Variants in GAK observed in about 807,000 individuals in gnomAD.
GAK encodes the protein cyclin-G-associated kinase.
A neutral mutation model predicts 143.9 loss-of-function variants in GAK; 79 were observed. The observed-to-expected ratio is 0.55, with a 90% CI of 0.46 to 0.66. GAK has a LOEUF of 0.66. Among genes scored for constraint, GAK ranks in the 30% least tolerant of loss-of-function variants. The pLI, the probability that GAK is intolerant of heterozygous loss-of-function variation, is 0.00. For missense variants in GAK, 1,693 were observed against 1,779.7 expected (o/e 0.95, Z 0.88); for synonymous variants, 881 against 765.5 (o/e 1.15, Z -2.49).
rs200903151 is a variant in GAK at position 867,103 on chromosome 4, C to T, written c.2725G>A (p.Asp909Asn). Residue 909 changes from aspartate to asparagine, a missense_variant, in exon 21 of 28, where the codon GAC becomes AAC. Around this residue, in one of 2 missense-constraint regions of GAK, gnomAD observed 822 missense variants for 788.7 expected, o/e 1.04. Transcript: ENST00000314167. Reference sequence around the variant, plus strand: ...GGCCCAAGGAGGCAGCTGAGCAGGTCGGTGTTGCTGGAGGGGGCCTTGCAG... The same window carrying T: ...GGCCCAAGGAGGCAGCTGAGCAGGTTGGTGTTGCTGGAGGGGGCCTTGCAG... ...QACKAPSSNT[D>N]LLSCLLGPPE... The T allele has an allele frequency of 3.3e-4, 521 of 1,571,142 alleles. No homozygotes were observed. The highest frequency in any genetic ancestry group is 4.2e-4 in the Non-Finnish European group (487 of 1,155,830).
Position 852,798 on chromosome 4 carries a change from C to T in GAK, c.3284-824G>A, listed in dbSNP as rs559575486. On this transcript the variant is annotated intron_variant, in intron 24 of 27. Transcript: ENST00000314167. ...AGAATAGCAGGAAGCTGTAAATACC[C>T]TGAGCACCTGCGCCCAGCATCCCCC... The T allele has an allele frequency of 6.6e-5, 10 of 152,386 alleles. No individual in the cohort carries two copies. In the East Asian group the frequency reaches 1.9e-3, roughly 29 times the overall value. The allele number at this position is 152,386 out of a possible 1,614,324, so 9.4% of individuals were successfully genotyped here. A position where few individuals can be genotyped will look rare whatever the true frequency, so the allele number is the denominator to read the frequency against.
chr4:855,853 G>C (rs997342333), intron 24 of GAK, among the ~76,000 whole-genome samples: 1 of 152,202 alleles, frequency 6.6e-6, no homozygotes, highest in Non-Finnish European at 1.5e-5. Flanking sequence ...TACTCAGGAG[G>C]CTGAGGCGGG....
At chr4:907,099 G>A (rs1204621598) in intron 4 of GAK, among the ~76,000 whole-genome samples, 2 of 152,218 alleles carry the variant, frequency 1.3e-5, no homozygotes, top group Non-Finnish European at 2.9e-5. Flanking sequence ...GCGTGTAGCC[G>A]ACTCAATTCC....
intron 18 of GAK, 48 bp from the exon 19 acceptor site, chr4:870,952 G>A (rs867865861): frequency 3.4e-6 from 5 of 1,489,726 alleles, no homozygotes; most frequent in Non-Finnish European, 4.6e-6. Context: ...CAAGTAGTCT[G>A]TAAGTCCTTG....
intron 5 of GAK, among the ~76,000 whole-genome samples, chr4:903,323 G>A (rs944674621): frequency 6.6e-6 from 1 of 152,264 alleles, no homozygotes; most frequent in African/African-American, 2.4e-5. Context: ...GAGATGGGCA[G>A]GAGAGTCTGC....
chr4:893,366 G>C lies in GAK; in HGVS notation c.990+11C>G. The C allele has an allele frequency of 6.5e-7, 1 of 1,529,130 alleles. No homozygotes were observed. The highest frequency in any genetic ancestry group is 1.2e-5 in the South Asian group (1 of 80,698). The allele number at this position is 1,529,130 out of a possible 1,614,324, so 94.7% of individuals were successfully genotyped here. A position where few individuals can be genotyped will look rare whatever the true frequency, so the allele number is the denominator to read the frequency against. ...TGCGGGGGATTTGGGGCTCACGTGT[G>C]CCTCCCTCACCTCTGTGATGGGAGA... On this transcript the variant is annotated intron_variant, in intron 9 of 27. Transcript: ENST00000314167.
At chr4:895,666 C>T (rs572943771) in intron 7 of GAK, among the ~76,000 whole-genome samples, 18 of 152,312 alleles carry the variant, frequency 1.2e-4, no homozygotes, top group Middle Eastern at 3.4e-3. Context: ...GGTAAGGGGA[C>T]GTCAAAAGAA....
intron 24 of GAK, among the ~76,000 whole-genome samples, chr4:858,754 A>G (rs1749736536): frequency 6.6e-6 from 1 of 152,234 alleles, no homozygotes; most frequent in African/African-American, 2.4e-5. Context: ...TGAGGACTCG[A>G]AGCCAGCCCT....
At chr4:870,002 G>C (rs540979653) in intron 19 of GAK, 1 of 151,428 alleles carries the variant, frequency 6.6e-6, no homozygotes, top group African/African-American at 2.4e-5. Flanking sequence ...TGGTACACAC[G>C]AACGCACACA....
chr4:888,486 T>C (rs1263470530), intron 11 of GAK: 1 of 239,940 alleles, frequency 4.2e-6, no homozygotes, highest in African/African-American at 2.3e-5. Context: ...GGGCTTTAAC[T>C]CAAGGACTGG....
rs185283420 is a variant in GAK at position 870,984 on chromosome 4, C to A, written c.2055-80G>T. On this transcript the variant is annotated intron_variant, in intron 18 of 27. Transcript: ENST00000314167. ...CTTGGACATTCACTAAAGAAACGTGCATGGAAACAGGTGGCAGCTGCAGGC... is the reference window on the plus strand; with the variant it reads ...CTTGGACATTCACTAAAGAAACGTGAATGGAAACAGGTGGCAGCTGCAGGC... 7.3e-5 allele frequency: 93 copies of A among 1,279,462 alleles called. No homozygotes were observed. The African/African-American group carries it at 1.3e-3, about 18-fold the overall frequency. 79.3% of individuals were successfully genotyped at this position (1,279,462 alleles called of 1,614,324 possible).
intron 9 of GAK, among the ~76,000 whole-genome samples, chr4:890,885 T>G (rs1289321962): frequency 6.6e-6 from 1 of 151,818 alleles, no homozygotes; most frequent in African/African-American, 2.4e-5. Flanking sequence ...CTTTTCAGAC[T>G]CTTGGGCTAC....
intron 1 of GAK, among the ~76,000 whole-genome samples, chr4:928,045 G>A (rs538842268): frequency 7.3e-4 from 111 of 152,268 alleles, no homozygotes; most frequent in Non-Finnish European, 1.4e-3. Flanking sequence ...AGGCTGGCTC[G>A]CCACAGCAAC....
chr4:866,228 C>A, intron 22 of GAK, 136 bp downstream of exon 22: 2 of 832,418 alleles, frequency 2.4e-6, no homozygotes, highest in Admixed American at 2.5e-5. Context: ...GATGCTTGGG[C>A]CGCAAGGAGC....
intron 7 of GAK, chr4:894,238 A>G: frequency 3.1e-6 from 1 of 325,620 alleles, no homozygotes; most frequent in Non-Finnish European, 5.3e-6. Context: ...AACAGGGGTG[A>G]CACCCGGGCC....
At chr4:899,213 C>T (rs1326588998) in intron 5 of GAK, among the ~76,000 whole-genome samples, 2 of 152,270 alleles carry the variant, frequency 1.3e-5, no homozygotes, top group African/African-American at 2.4e-5. Flanking sequence ...TTTAGGCAAA[C>T]CACAGATCTT....
intron 7 of GAK, chr4:894,243 C>A (rs60000797): frequency 2.0e-5 from 3 of 150,540 alleles, no homozygotes; most frequent in South Asian, 1.3e-4. Context: ...GGGTGACACC[C>A]GGGCCGCGGG....
intron 1 of GAK, among the ~76,000 whole-genome samples, chr4:914,446 CA>C (rs1722673897): frequency 1.0e-4 from 10 of 95,680 alleles, no homozygotes; most frequent in South Asian, 4.4e-4. Context: ...GCACGGCCCC[CA>C]CACACACAGC....
At chr4:906,684 T>C (rs1721142265) in intron 4 of GAK, among the ~76,000 whole-genome samples, 1 of 152,108 alleles carries the variant, frequency 6.6e-6, no homozygotes, top group Non-Finnish European at 1.5e-5. Flanking sequence ...TGCTCCTGCC[T>C]CTGCTCTCTA....
Sources: gnomAD v4.1 joint callset for allele counts (sites outside exome capture counted in the v4.1 genomes callset) on GRCh38, gnomAD v4.1.1 for gene constraint, gnomAD v4.1.1 regional missense constraint, MANE v1.5 for transcripts, NCBI Gene and HGNC (gene_info 2026-07-23, HGNC 2026-07-21) for gene names.